The following VWA8 variants were observed in gnomAD, a reference collection of about 807,000 sequenced individuals.
VWA8 encodes the protein von Willebrand factor A domain-containing protein 8.
A neutral mutation model predicts 241.5 loss-of-function variants in VWA8; 221 were observed. That is an observed-to-expected ratio of 0.91 (90% CI 0.82 to 1.02). The LOEUF is 1.02. Ranked by LOEUF, VWA8 falls within the 50% of genes least tolerant of loss-of-function variation. VWA8 has a pLI of 0.00. For missense variants in VWA8, 2,322 were observed against 2,328.7 expected (o/e 1.00, Z 0.06); for synonymous variants, 852 against 827.1 (o/e 1.03, Z -0.52).
chr13:41,786,779 T>G (rs1869208913), intron 18 of VWA8, among the ~76,000 whole-genome samples: 1 of 152,136 alleles, frequency 6.6e-6, no homozygotes, highest in Non-Finnish European at 1.5e-5. Flanking sequence ...TAAAGAGTAG[T>G]CACACATTGG....
chr13:41,840,347 A>G (rs1029802625), intron 12 of VWA8, among the ~76,000 whole-genome samples: 10 of 152,092 alleles, frequency 6.6e-5, no homozygotes, highest in Non-Finnish European at 1.5e-5. Flanking sequence ...TAGCATTAGG[A>G]AAAATACCTA....
intron 43 of VWA8, 67 bp downstream of exon 43, chr13:41,575,673 A>T: frequency 8.5e-7 from 1 of 1,170,842 alleles, no homozygotes; most frequent in South Asian, 1.4e-5. Context: ...TGCTTCAATG[A>T]ATCCTTTTAG....
intron 42 of VWA8, among the ~76,000 whole-genome samples, chr13:41,577,209 G>C (rs979508629): frequency 5.9e-5 from 9 of 152,254 alleles, no homozygotes; most frequent in African/African-American, 1.4e-4. Context: ...CATGGTCAGA[G>C]GAGGGCCAGA....
At chr13:41,718,991 A>G (rs892246792) in intron 26 of VWA8, among the ~76,000 whole-genome samples, 1 of 151,894 alleles carries the variant, frequency 6.6e-6, no homozygotes, top group African/African-American at 2.4e-5. Flanking sequence ...AACTCTGTCA[A>G]TTACTTTTCT....
At chr13:41,920,917 C>T (rs1293801779) in intron 2 of VWA8, among the ~76,000 whole-genome samples, 1 of 152,132 alleles carries the variant, frequency 6.6e-6, no homozygotes, top group African/African-American at 2.4e-5. Context: ...AAGAGGGAAT[C>T]CTCCATAACT....
chr13:41,954,291 T>G (rs778456675), intron 1 of VWA8, among the ~76,000 whole-genome samples: 1 of 152,156 alleles, frequency 6.6e-6, no homozygotes, highest in African/African-American at 2.4e-5. Context: ...TACCTGCCAG[T>G]AGCCTACTGG....
intron 2 of VWA8, among the ~76,000 whole-genome samples, chr13:41,948,853 G>T (rs1477361686): frequency 6.6e-6 from 1 of 151,850 alleles, no homozygotes; most frequent in African/African-American, 2.4e-5. Flanking sequence ...ACAAACTGTG[G>T]TATGTTTATA....
In VWA8 at chr13:41,567,946, T is replaced by TA. The variant is rs796545893; in HGVS notation, c.*250dup. The TA allele has an allele frequency of 8.1e-5, 30 of 370,300 alleles. No individual in the cohort carries two copies. The highest frequency in any genetic ancestry group is 5.6e-4 in the African/African-American group (27 of 47,960). The allele number at this position is 370,300 out of a possible 1,614,324, so 22.9% of individuals were successfully genotyped here. A position where few individuals can be genotyped will look rare whatever the true frequency, so the allele number is the denominator to read the frequency against. On this transcript the variant is annotated 3_prime_UTR_variant, in exon 45 of 45. Coordinates refer to ENST00000379310, the MANE Select transcript of VWA8 (RefSeq NM_015058.2). Reference sequence around the variant, plus strand: ...ACCTTCCTTTAACCCCAACCTTTGATAAAGTGCAGGTCAACTAGCTTGCCC... The same window carrying TA: ...ACCTTCCTTTAACCCCAACCTTTGATAAAAGTGCAGGTCAACTAGCTTGCCC...
chr13:41,941,836 C>T (rs1877616966), intron 2 of VWA8, among the ~76,000 whole-genome samples: 1 of 152,140 alleles, frequency 6.6e-6, no homozygotes, highest in African/African-American at 2.4e-5. Context: ...CAAGGAGGCT[C>T]AGAGCAGTGA....
chr13:41,644,266 C>T (rs564045679), intron 37 of VWA8, among the ~76,000 whole-genome samples: 2 of 151,260 alleles, frequency 1.3e-5, no homozygotes, highest in African/African-American at 4.9e-5. Flanking sequence ...GCATCTTGTA[C>T]CACCCCCGCC....
intron 2 of VWA8, among the ~76,000 whole-genome samples, chr13:41,920,583 G>A (rs1422511525): frequency 6.6e-6 from 1 of 151,934 alleles, no homozygotes; most frequent in Non-Finnish European, 1.5e-5. Flanking sequence ...TCAAATAGAT[G>A]AAATAAAAAA....
At chr13:41,952,871 C>T (rs1449350336) in intron 1 of VWA8, among the ~76,000 whole-genome samples, 1 of 151,610 alleles carries the variant, frequency 6.6e-6, no homozygotes, top group Non-Finnish European at 1.5e-5. Context: ...TTACGGAAAC[C>T]AAAAAAGATG....
intron 37 of VWA8, among the ~76,000 whole-genome samples, chr13:41,621,222 T>C (rs886738998): frequency 1.3e-5 from 2 of 152,224 alleles, no homozygotes; most frequent in Non-Finnish European, 2.9e-5. Flanking sequence ...TATTATAAAA[T>C]AGGCTTCATG....
intron 43 of VWA8, among the ~76,000 whole-genome samples, chr13:41,573,952 TAACTA>T (rs1435287672): frequency 2.0e-5 from 3 of 152,072 alleles, no homozygotes; most frequent in African/African-American, 7.2e-5. Context: ...ACATTTAAAA[TAACTA>T]AAAGAGTTCA....
At chr13:41,881,743 T>C (rs1167094765) in intron 9 of VWA8, among the ~76,000 whole-genome samples, 1 of 129,538 alleles carries the variant, frequency 7.7e-6, no homozygotes, top group Non-Finnish European at 1.7e-5. Context: ...CCCCCCCACC[T>C]CCCTCCTGGA....
intron 42 of VWA8, among the ~76,000 whole-genome samples, chr13:41,585,071 G>A (rs753006286): frequency 6.8e-6 from 1 of 147,514 alleles, no homozygotes; most frequent in Non-Finnish European, 1.5e-5. Context: ...AGTTTGGTTT[G>A]TAACTGTCAA....
intron 20 of VWA8, among the ~76,000 whole-genome samples, chr13:41,764,499 T>TA (rs1237681985): frequency 2.6e-5 from 4 of 152,102 alleles, no homozygotes; most frequent in African/African-American, 9.7e-5. Flanking sequence ...AGACAACACA[T>TA]ATAATAGATA....
intron 21 of VWA8, among the ~76,000 whole-genome samples, chr13:41,747,424 C>T (rs965106703): frequency 2.6e-5 from 4 of 152,142 alleles, no homozygotes; most frequent in Non-Finnish European, 4.4e-5. Flanking sequence ...CATAAGAATG[C>T]TTGTGATTTT....
At chr13:41,679,574 C>T (rs183588750) in intron 35 of VWA8, among the ~76,000 whole-genome samples, 4 of 152,104 alleles carry the variant, frequency 2.6e-5, no homozygotes, top group Admixed American at 2.6e-4. Flanking sequence ...TAGCATTTAG[C>T]TAGAAGAAAA....
Sources: gnomAD v4.1 joint callset for allele counts (sites outside exome capture counted in the v4.1 genomes callset) on GRCh38, gnomAD v4.1.1 for gene constraint, MANE v1.5 for transcripts, NCBI Gene and HGNC (gene_info 2026-07-23, HGNC 2026-07-21) for gene names.